The following EPN3 variants were observed in gnomAD, a reference collection of about 807,000 sequenced individuals.
EPN3 encodes the protein epsin 3.
Under a neutral mutation model 55.5 loss-of-function variants are expected in EPN3, and 56 were observed. That is an observed-to-expected ratio of 1.01 (90% CI 0.81 to 1.26). The LOEUF is 1.26. EPN3 is among the 50% of genes most tolerant of loss of function. The pLI is 0.00. For synonymous variants in EPN3, 449 were observed against 375.2 expected, an observed-to-expected ratio of 1.20 and a Z score of -2.27; for missense variants, 927 against 853.4, an observed-to-expected ratio of 1.09 and a Z score of -1.07.
intron 1 of EPN3, among the ~76,000 whole-genome samples, chr17:50,533,665 C>G (rs2034712594): frequency 1.3e-5 from 2 of 152,140 alleles, no homozygotes; most frequent in Admixed American, 1.3e-4. Flanking sequence ...ATCCTGCAGG[C>G]CCTGAGAAGA....
rs564058181 is a variant in EPN3 at position 50,536,438 on chromosome 17, G to C, written c.-119G>C. ...TTCCTCAGCCCCATGTGGAACCCAAGGATGCAGCTGCTCTGCTAACACGGC... is the reference window on the plus strand; with the variant it reads ...TTCCTCAGCCCCATGTGGAACCCAACGATGCAGCTGCTCTGCTAACACGGC... On this transcript the variant is annotated 5_prime_UTR_variant, in exon 2 of 10. Coordinates refer to ENST00000268933, the MANE Select transcript of EPN3 (RefSeq NM_017957.3). 5.9e-6 allele frequency: 9 copies of C among 1,537,616 alleles called. No homozygotes were observed. Among genetic ancestry groups the C allele is most frequent in the Non-Finnish European group, 7.8e-6 (9 of 1,152,378 alleles).
intron 1 of EPN3, chr17:50,534,787 G>C (rs754348092): frequency 2.4e-6 from 1 of 419,090 alleles, no homozygotes; most frequent in African/African-American, 2.2e-5. Context: ...CAGCACTGGC[G>C]GGGCTGGGGT....
intron 1 of EPN3, among the ~76,000 whole-genome samples, chr17:50,534,259 C>CT (rs1231120308): frequency 6.6e-6 from 1 of 152,242 alleles, no homozygotes; most frequent in Non-Finnish European, 1.5e-5. Flanking sequence ...CCCCCAGCCC[C>CT]TGCAGGGGTG....
rs2034862347 is a variant in EPN3, at chr17:50,542,313, G to A, written c.*156G>A. 1.1e-5 allele frequency: 8 copies of A among 728,562 alleles called. No individual in the cohort carries two copies. Among genetic ancestry groups the A allele is most frequent in the Non-Finnish European group, 1.6e-5 (8 of 501,176 alleles). 45.1% of individuals were successfully genotyped at this position (728,562 alleles called of 1,614,324 possible). Reference sequence around the variant, plus strand: ...CTCTGGAAGCTGGACGCGGACCACGGCCCGGGAGCTAGAAACTGAACGCCC... The same window carrying A: ...CTCTGGAAGCTGGACGCGGACCACGACCCGGGAGCTAGAAACTGAACGCCC... On this transcript the variant is annotated 3_prime_UTR_variant, in exon 10 of 10. Coordinates refer to ENST00000268933, the MANE Select transcript of EPN3 (RefSeq NM_017957.3).
chr17:50,534,953 C>T (rs572507893), intron 1 of EPN3, among the ~76,000 whole-genome samples: 13 of 152,290 alleles, frequency 8.5e-5, no homozygotes, highest in African/African-American at 2.9e-4. Flanking sequence ...GGAGGCTCTG[C>T]AGGCCCAGAC....
Position 50,538,904 on chromosome 17 carries a change from C to A in EPN3, c.702C>A (p.His234Gln). 1 of 1,607,304 alleles carries A rather than the reference C, an allele frequency of 6.2e-7. No individual in the cohort carries two copies. Among genetic ancestry groups the A allele is most frequent in the Non-Finnish European group, 8.5e-7 (1 of 1,175,686 alleles). Reference protein sequence around the residue: ...EAEKPVPPASHRDEDLQLQLA... With the variant: ...EAEKPVPPASQRDEDLQLQLA... ...CGCAGCCTGTCCCCCCAGCCTCCCACAGGGACGAGGACCTGCAGCTGCAGC... is the reference window on the plus strand; with the variant it reads ...CGCAGCCTGTCCCCCCAGCCTCCCAAAGGGACGAGGACCTGCAGCTGCAGC... Residue 234 changes from histidine to glutamine, a missense_variant, in exon 4 of 10, where the codon CAC becomes CAA. By Grantham distance (24) the His-to-Gln change is conservative. Transcript: ENST00000268933.
Position 50,542,086 on chromosome 17 carries a change from C to G in EPN3, c.1828C>G (p.Leu610Val), listed in dbSNP as rs959159999. Residue 610 changes from leucine (L) to valine (V), a missense_variant, in exon 10 of 10, where the codon CTG becomes GTG. Leu to Val is a conservative substitution (Grantham distance 32). Transcript: ENST00000268933. ...PQAGAFAPQP[L>V]LPTPSSAGPR... ...GGCCGGAGCCTTCGCACCGCAGCCG[C>G]TGCTGCCCACGCCGAGCTCAGCCGG... The G allele has an allele frequency of 2.5e-6, 4 of 1,574,038 alleles. No homozygotes were observed. Among genetic ancestry groups the G allele is most frequent in the Non-Finnish European group, 3.4e-6 (4 of 1,170,192 alleles).
rs773423832 is a variant in EPN3 at position 50,540,281 on chromosome 17, C to T, written c.926C>T (p.Pro309Leu). 7 of 1,612,852 alleles carry T rather than the reference C, an allele frequency of 4.3e-6. No homozygotes were observed. In the East Asian group the frequency reaches 1.6e-4, roughly 36 times the overall value. Residue 309 changes from proline to leucine, a missense_variant, in exon 6 of 10, where the codon CCT (proline) becomes CTT (leucine). Physicochemically the swap from Pro to Leu is moderately conservative, Grantham distance 98. Transcript: ENST00000268933. ...SILDLADIFV[P>L]ALAPPSTHCS... The stretch of plus-strand genomic sequence containing the variant: ...CTGGACTTGGCTGACATCTTCGTAC[C>T]TGCCCTGGCCCCGCCCTCCACACAC...
chr17:50,533,170 CAG>C (rs974747570), intron 1 of EPN3, among the ~76,000 whole-genome samples, 185 bp downstream of exon 1: 33 of 152,238 alleles, frequency 2.2e-4, no homozygotes, highest in African/African-American at 7.9e-4. Context: ...AAAAGGGACT[CAG>C]GGCCCCCTCC....
intron 1 of EPN3, chr17:50,534,777 C>A: frequency 2.0e-6 from 1 of 498,704 alleles, no homozygotes; most frequent in Non-Finnish European, 2.6e-6. Context: ...GAACTGAGCC[C>A]AGCACTGGCG....
chr17:50,540,141 TG>T, intron 5 of EPN3, 105 bp from the exon 6 acceptor site: 1 of 795,658 alleles, frequency 1.3e-6, no homozygotes, highest in Non-Finnish European at 2.1e-6. Flanking sequence ...TAGGTATCTG[TG>T]GAATGAATAA....
At chr17:50,541,778 A>G (rs2144040458) in intron 9 of EPN3, 66 bp from the exon 10 acceptor site, 3 of 1,608,466 alleles carry the variant, frequency 1.9e-6, no homozygotes, top group East Asian at 2.2e-5. Flanking sequence ...CTTCTTCCCA[A>G]CTTCCACGAC....
In EPN3 at chr17:50,532,915, C is replaced by A. The variant is rs1234867286; in HGVS notation, c.-207C>A. ...CTCCCGAGGCTGTGCCGTCCCGCTG[C>A]TGCACAGGTCGGAGGGTCACCGCAG... On this transcript the variant is annotated 5_prime_UTR_variant, in exon 1 of 10. In the 5' UTR this introduces an upstream ATG that the reference lacks. Coordinates refer to ENST00000268933, the MANE Select transcript of EPN3 (RefSeq NM_017957.3). 6 of 1,285,614 alleles carry A rather than the reference C, an allele frequency of 4.7e-6. No individual in the cohort carries two copies. Among genetic ancestry groups the A allele is most frequent in the Non-Finnish European group, 6.1e-6 (6 of 987,436 alleles). The allele number at this position is 1,285,614 out of a possible 1,614,324, so 79.6% of individuals were successfully genotyped here. A position where few individuals can be genotyped will look rare whatever the true frequency, so the allele number is the denominator to read the frequency against.
intron 1 of EPN3, among the ~76,000 whole-genome samples, chr17:50,535,367 G>T (rs746263299): frequency 6.6e-6 from 1 of 152,372 alleles, no homozygotes; most frequent in Admixed American, 6.5e-5. Context: ...CGTGCCATAT[G>T]ATGCAGGCAG....
In EPN3 at chr17:50,540,226, G is replaced by T. The variant is rs375774638; in HGVS notation, c.892-21G>T. On this transcript the variant is annotated intron_variant, in intron 5 of 9. Transcript: ENST00000268933. ...CAGGCCCCGCCCACTTCTGAGCCGC[G>T]GCTGCCTCTCCCCTCCACAGTCCTC... is the stretch of plus-strand genomic sequence containing the variant. 3.1e-6 allele frequency: 5 copies of T among 1,607,564 alleles called. No individual in the cohort carries two copies. In the African/African-American group the frequency reaches 5.3e-5, roughly 17 times the overall value.
Position 50,543,360 on chromosome 17 carries a change from A to G in EPN3, c.*1203A>G. ...AACCAAGGGTGGGGTGAGGCCTGGT[A>G]CTCAATCCAGGAGGGGCCCCTATGA... On this transcript the variant is annotated 3_prime_UTR_variant, in exon 10 of 10. Coordinates refer to ENST00000268933, the MANE Select transcript of EPN3 (RefSeq NM_017957.3). 1 of 152,394 alleles carries G rather than the reference A, an allele frequency of 6.6e-6. No homozygotes were observed. Among genetic ancestry groups the G allele is most frequent in the Non-Finnish European group, 1.5e-5 (1 of 68,092 alleles). 9.4% of individuals were successfully genotyped at this position (152,394 alleles called of 1,614,324 possible).
Position 50,542,684 on chromosome 17 carries a change from T to G in EPN3, c.*527T>G, listed in dbSNP as rs2034865729. Reference sequence around the variant, plus strand: ...CTGCTTACGTGCTAAGCAGATCAGTTTATTTAATGCTTGCAACGACTCTCT... The same window carrying G: ...CTGCTTACGTGCTAAGCAGATCAGTGTATTTAATGCTTGCAACGACTCTCT... On this transcript the variant is annotated 3_prime_UTR_variant, in exon 10 of 10. Coordinates refer to ENST00000268933, the MANE Select transcript of EPN3 (RefSeq NM_017957.3). 3 of 153,042 alleles carry G rather than the reference T, an allele frequency of 2.0e-5. No homozygotes were observed. In the Admixed American group the frequency reaches 2.0e-4, roughly 10 times the overall value. 9.5% of individuals were successfully genotyped at this position (153,042 alleles called of 1,614,324 possible). A position where few individuals can be genotyped will look rare whatever the true frequency, so the allele number is the denominator to read the frequency against.
In EPN3 at chr17:50,540,786, A is replaced by C; in HGVS notation, c.980-7A>C. ...CTGGGATCATGTCTATGCTGTTCCC[A>C]TTTCAGGTTTTAGGCCGAACACAGA... On this transcript the variant is annotated splice_region_variant and splice_polypyrimidine_tract_variant and intron_variant, in intron 6 of 9. Coordinates refer to ENST00000268933, the MANE Select transcript of EPN3 (RefSeq NM_017957.3). 1 of 1,603,192 alleles carries C rather than the reference A, an allele frequency of 6.2e-7. No individual in the cohort carries two copies. Among genetic ancestry groups the C allele is most frequent in the Middle Eastern group, 1.7e-4 (1 of 6,024 alleles).
intron 1 of EPN3, chr17:50,534,389 A>G: frequency 1.0e-6 from 1 of 984,624 alleles, no homozygotes; most frequent in South Asian, 4.7e-5. Flanking sequence ...CAGGGCAGCC[A>G]GGTCCAGGTA....
Sources: gnomAD v4.1 joint callset for allele counts (sites outside exome capture counted in the v4.1 genomes callset) on GRCh38, gnomAD v4.1.1 for gene constraint, MANE v1.5 for transcripts, NCBI Gene and HGNC (gene_info 2026-07-23, HGNC 2026-07-21) for gene names.